Variants in DMD observed in about 807,000 individuals in gnomAD.
DMD encodes mutant dystrophin.
A neutral mutation model predicts 330.1 loss-of-function variants in DMD; 63 were observed. That is an observed-to-expected ratio of 0.19 (90% CI 0.16 to 0.24). The LOEUF (loss-of-function observed/expected upper bound fraction) is 0.24. DMD is among the 10% of genes least tolerant of loss of function. DMD has a pLI of 1.00. For missense variants in DMD, 3,344 were observed against 2,684.1 expected, an observed-to-expected ratio of 1.25 and a Z score of -5.43; for synonymous variants, 1,223 against 959.8, an observed-to-expected ratio of 1.27 and a Z score of -5.07.
At chrX:31,478,410 T>TC (rs766204788) in intron 58 of DMD, 36 bp from the exon 59 acceptor site, 2 of 1,208,692 alleles carry the variant, frequency 1.7e-6, no homozygotes. Context: ...TAGGCCACAT[T>TC]CTTTTTTTTT....
chrX:32,233,821 G>T (rs927564484), intron 43 of DMD, among the ~76,000 whole-genome samples: 2 of 108,510 alleles, frequency 1.8e-5, no homozygotes, highest in Admixed American at 1.0e-4. Context: ...AAGTAGAGAG[G>T]GTTTCTCCAT....
intron 1 of DMD, among the ~76,000 whole-genome samples, chrX:33,163,202 A>G (rs946616089): frequency 9.0e-6 from 1 of 111,718 alleles, no homozygotes; most frequent in African/African-American, 3.3e-5. Flanking sequence ...AAATCCTCAC[A>G]GAATACGTGT....
At chrX:32,612,483 T>G (rs2057251915) in intron 12 of DMD, among the ~76,000 whole-genome samples, 1 of 111,530 alleles carries the variant, frequency 9.0e-6, no homozygotes, top group Admixed American at 9.5e-5. Flanking sequence ...CTATCATTAG[T>G]GTTAGTATAT....
intron 13 of DMD, 60 bp downstream of exon 13, chrX:32,595,697 C>G: frequency 8.9e-7 from 1 of 1,120,315 alleles, no homozygotes; most frequent in Middle Eastern, 2.4e-4. Flanking sequence ...TTTTAAAATA[C>G]TTTTCAAGTT....
chrX:32,625,248 AATATTCT>A (rs1410010613), intron 11 of DMD, among the ~76,000 whole-genome samples: 1 of 112,291 alleles, frequency 8.9e-6, no homozygotes, highest in East Asian at 2.8e-4. Context: ...AAATGATGTA[AATATTCT>A]ATGTGTGCAC....
chrX:32,473,057 G>A lies in DMD; in HGVS notation c.2804-748C>T, dbSNP rs191749414. Among the ~76,000 whole-genome samples, 3 of 111,081 alleles carry A rather than the reference G, an allele frequency of 2.7e-5. No homozygotes were observed. The Admixed American group carries it at 2.9e-4, about 11-fold the overall frequency. On this transcript the variant is annotated intron_variant, in intron 21 of 78. Coordinates refer to ENST00000357033, the MANE Select transcript of DMD (RefSeq NM_004006.3). Reference sequence around the variant, plus strand: ...TTTATACGTTTTAAAGTATGTATGTGTATATGTATATATATGAAATGTGAC... The same window carrying A: ...TTTATACGTTTTAAAGTATGTATGTATATATGTATATATATGAAATGTGAC...
At chrX:31,440,796 A>AATAGG (rs1275918176) in intron 60 of DMD, among the ~76,000 whole-genome samples, 1 of 112,312 alleles carries the variant, frequency 8.9e-6, no homozygotes, top group African/African-American at 3.2e-5. Flanking sequence ...TGAGGAAGAA[A>AATAGG]ATAGGACTTC....
At chrX:32,439,429 TTTCCTAATAATTTA>T in intron 28 of DMD, among the ~76,000 whole-genome samples, 1 of 111,741 alleles carries the variant, frequency 8.9e-6, no homozygotes, top group Non-Finnish European at 1.9e-5. Context: ...TGTTAATAAT[TTTCCTAATAATTTA>T]TATTCCTTAT....
At chrX:32,417,445 G>A (rs189316136) in intron 29 of DMD, among the ~76,000 whole-genome samples, 1 of 111,421 alleles carries the variant, frequency 9.0e-6, no homozygotes, top group African/African-American at 3.3e-5. Flanking sequence ...TGGGAGTCCA[G>A]AGTAGATAGG....
chrX:31,289,357 G>A (rs1029260085), intron 62 of DMD, among the ~76,000 whole-genome samples: 6 of 107,788 alleles, frequency 5.6e-5, no homozygotes, highest in Non-Finnish European at 1.1e-4. Context: ...AATTGACAAC[G>A]CAAATACAAT....
At chrX:32,956,762 G>A (rs766586462) in intron 2 of DMD, among the ~76,000 whole-genome samples, 5 of 111,192 alleles carry the variant, frequency 4.5e-5, no homozygotes, top group African/African-American at 6.5e-5. Context: ...GTAAGAGAGG[G>A]CATCCTTGTC....
chrX:31,675,180 A>C (rs1482580716), intron 53 of DMD, among the ~76,000 whole-genome samples: 2 of 111,967 alleles, frequency 1.8e-5, no homozygotes, highest in Non-Finnish European at 3.8e-5. Context: ...CCGTCTCTTG[A>C]TGGCCTGCTA....
intron 51 of DMD, among the ~76,000 whole-genome samples, chrX:31,730,946 A>C (rs1402929283): frequency 9.0e-6 from 1 of 111,632 alleles, no homozygotes; most frequent in Non-Finnish European, 1.9e-5. Flanking sequence ...CTGATTTTCT[A>C]ACGAATTTTG....
At chrX:32,818,485 A>C (rs995010039) in intron 5 of DMD, among the ~76,000 whole-genome samples, 1 of 112,056 alleles carries the variant, frequency 8.9e-6, no homozygotes, top group African/African-American at 3.2e-5. Context: ...GTGAGCCTGT[A>C]AACAGAAAAC....
At chrX:31,671,906 T>C (rs1223393006) in intron 53 of DMD, among the ~76,000 whole-genome samples, 2 of 111,656 alleles carry the variant, frequency 1.8e-5, no homozygotes, top group African/African-American at 3.2e-5. Flanking sequence ...CTATCTGATT[T>C]TTTTCACACT....
chrX:31,296,651 A>G (rs1569520770), intron 62 of DMD, among the ~76,000 whole-genome samples: 1 of 112,092 alleles, frequency 8.9e-6, no homozygotes, highest in Non-Finnish European at 1.9e-5. Context: ...AGCTAAGTGA[A>G]AGAATTACAG....
chrX:32,348,112 G>A (rs747464984), intron 38 of DMD, among the ~76,000 whole-genome samples: 1 of 111,010 alleles, frequency 9.0e-6, no homozygotes, highest in Non-Finnish European at 1.9e-5. Flanking sequence ...TTTATTTTAT[G>A]ATTCGACTCT....
At chrX:32,005,753 G>T (rs1043609117) in intron 44 of DMD, among the ~76,000 whole-genome samples, 3 of 110,672 alleles carry the variant, frequency 2.7e-5, no homozygotes, top group African/African-American at 9.8e-5. Flanking sequence ...CTGTGGGAAC[G>T]AATAAAAAAG....
chrX:32,758,683 C>G (rs752383821), intron 7 of DMD, among the ~76,000 whole-genome samples: 18 of 111,237 alleles, frequency 1.6e-4, no homozygotes, highest in Non-Finnish European at 3.0e-4. Flanking sequence ...GCAATTTGCC[C>G]TCACACAGGT....
Sources: gnomAD v4.1 joint callset for allele counts (sites outside exome capture counted in the v4.1 genomes callset) on GRCh38, gnomAD v4.1.1 for gene constraint, MANE v1.5 for transcripts, NCBI Gene and HGNC (gene_info 2026-07-23, HGNC 2026-07-21) for gene names.